MSRA: variants seen among roughly 807,000 people sequenced by gnomAD.
MSRA encodes methionine sulfoxide reductase A.
A neutral mutation model predicts 31.3 loss-of-function variants in MSRA; 54 were observed. The ratio of observed to expected loss-of-function variants is 1.73; its 90% CI spans 1.39 to 2.17. The LOEUF (loss-of-function observed/expected upper bound fraction) is 2.17. Ranked by LOEUF, MSRA falls within the 30% of genes most tolerant of loss-of-function variation. The pLI, the probability that MSRA is intolerant of heterozygous loss-of-function variation, is 0.00. For synonymous variants in MSRA, 169 were observed against 116.5 expected (o/e 1.45, Z -2.90); for missense variants, 507 against 300.9 (o/e 1.69, Z -5.07).
chr8:10,058,574 T>G (rs988988150), intron 1 of MSRA, among the ~76,000 whole-genome samples: 1 of 143,786 alleles, frequency 7.0e-6, no homozygotes, highest in Non-Finnish European at 1.5e-5. Context: ...CAAGATTATC[T>G]ACCAAATATT....
rs1797848496 is a variant in MSRA at position 10,250,295 on chromosome 8, A to G, written c.331+5072A>G. 2.6e-5 allele frequency: 16 copies of G among 607,944 alleles called. No homozygotes were observed. The South Asian group carries it at 3.1e-4, about 12-fold the overall frequency. The allele number at this position is 607,944 out of a possible 1,614,324, so 37.7% of individuals were successfully genotyped here. On this transcript the variant is annotated intron_variant, in intron 3 of 5. Transcript: ENST00000317173. ...TGTACAGATGAAAATATGAAAAGACATTCTGCAATGGATAAGCATTCTGGG... is the reference window on the plus strand; with the variant it reads ...TGTACAGATGAAAATATGAAAAGACGTTCTGCAATGGATAAGCATTCTGGG...
At chr8:10,255,379 G>A (rs1044187921) in intron 3 of MSRA, among the ~76,000 whole-genome samples, 1 of 152,204 alleles carries the variant, frequency 6.6e-6, no homozygotes, top group Non-Finnish European at 1.5e-5. Context: ...TTTCTGTACA[G>A]GTCCCAGGTT....
At chr8:10,081,700 G>A (rs1285080740) in intron 1 of MSRA, among the ~76,000 whole-genome samples, 1 of 152,132 alleles carries the variant, frequency 6.6e-6, no homozygotes. Context: ...ATATTGGCCA[G>A]ACTGGTCTCA....
intron 3 of MSRA, among the ~76,000 whole-genome samples, chr8:10,277,071 G>C (rs963974507): frequency 2.0e-5 from 3 of 152,058 alleles, no homozygotes; most frequent in Non-Finnish European, 2.9e-5. Flanking sequence ...CATTACTTGA[G>C]ACCTAGATTT....
intron 1 of MSRA, among the ~76,000 whole-genome samples, chr8:10,091,860 G>A (rs1798876905): frequency 6.6e-6 from 1 of 152,082 alleles, no homozygotes; most frequent in Non-Finnish European, 1.5e-5. Context: ...GCTTGGCTTG[G>A]CCTCCCAGAG....
chr8:10,128,634 C>A (rs1000441973), intron 1 of MSRA, among the ~76,000 whole-genome samples: 16 of 152,158 alleles, frequency 1.1e-4, no homozygotes, highest in African/African-American at 3.9e-4. Flanking sequence ...GTTGTGTGTG[C>A]ACTTCATGAG....
At chr8:10,406,339 T>C (rs1807817075) in intron 5 of MSRA, among the ~76,000 whole-genome samples, 1 of 152,240 alleles carries the variant, frequency 6.6e-6, no homozygotes, top group African/African-American at 2.4e-5. Context: ...TATTTGCTTC[T>C]TGAAGAATGT....
chr8:10,319,271 G>A (rs929393747), intron 4 of MSRA, among the ~76,000 whole-genome samples: 2 of 152,112 alleles, frequency 1.3e-5, no homozygotes, highest in Admixed American at 1.3e-4. Flanking sequence ...GCAACCCTGC[G>A]GCTGTTTCAC....
intron 5 of MSRA, among the ~76,000 whole-genome samples, chr8:10,366,287 G>C (rs1019715491): frequency 3.3e-5 from 5 of 152,210 alleles, no homozygotes; most frequent in Non-Finnish European, 7.3e-5. Flanking sequence ...GAAGCAGAGG[G>C]CTCTGAATTT....
intron 5 of MSRA, among the ~76,000 whole-genome samples, chr8:10,387,522 G>A (rs1355807696): frequency 1.3e-5 from 2 of 152,158 alleles, no homozygotes; most frequent in Non-Finnish European, 2.9e-5. Context: ...TGAGGGGGTG[G>A]TAAATGATTC....
chr8:10,289,361 C>A (rs759367625), intron 3 of MSRA, among the ~76,000 whole-genome samples: 1 of 151,632 alleles, frequency 6.6e-6, no homozygotes, highest in African/African-American at 2.4e-5. Flanking sequence ...ATGGGGTATA[C>A]GAGATGATAG....
At position 10,054,336 on chromosome 8, in the gene MSRA, G is replaced by T; in HGVS notation, c.-181G>T. 2.1e-6 allele frequency: 1 copy of T among 484,236 alleles called. No homozygotes were observed. The highest frequency in any genetic ancestry group is 6.4e-5 in the South Asian group (1 of 15,582). 30.0% of individuals were successfully genotyped at this position (484,236 alleles called of 1,614,324 possible). On this transcript the variant is annotated 5_prime_UTR_variant, in exon 1 of 6. Transcript: ENST00000317173. ...CCCCGGTGACAGCCGGTACGGCCCC[G>T]GGTTTGGGCAACCTCGATTACGGGC... is the stretch of plus-strand genomic sequence containing the variant.
chr8:10,394,368 C>T (rs1012182916), intron 5 of MSRA, among the ~76,000 whole-genome samples: 2 of 152,184 alleles, frequency 1.3e-5, no homozygotes, highest in Non-Finnish European at 2.9e-5. Context: ...AGTTCCCTAG[C>T]CACCCCACCC....
chr8:10,164,124 A>G (rs928690086), intron 1 of MSRA, among the ~76,000 whole-genome samples: 2 of 152,208 alleles, frequency 1.3e-5, no homozygotes, highest in African/African-American at 4.8e-5. Context: ...TTACACAGCT[A>G]GCGTTTTATT....
At chr8:10,205,227 G>GTTAGA (rs979974433) in intron 1 of MSRA, among the ~76,000 whole-genome samples, 15 of 152,168 alleles carry the variant, frequency 9.9e-5, no homozygotes, top group Admixed American at 9.8e-4. Flanking sequence ...ATATACAAGA[G>GTTAGA]TTAGAAGGCA....
intron 2 of MSRA, among the ~76,000 whole-genome samples, chr8:10,227,718 A>T (rs561008088): frequency 3.3e-5 from 5 of 152,336 alleles, no homozygotes; most frequent in South Asian, 2.1e-4. Flanking sequence ...TAATCAAATT[A>T]AAGCAGCATT....
At chr8:10,148,712 G>A (rs1803380293) in intron 1 of MSRA, among the ~76,000 whole-genome samples, 1 of 145,854 alleles carries the variant, frequency 6.9e-6, no homozygotes, top group Non-Finnish European at 1.5e-5. Flanking sequence ...CGAGGCAGGA[G>A]GATTGCTTGA....
Position 10,207,845 on chromosome 8 carries a change from T to A in MSRA, c.155T>A (p.Val52Asp). ...EQTPVAAKHH[V>D]NGNRTVEPFP... is the part of the protein sequence containing the mutation. ...TTTTTTTTTCTAGCCAAACATCATG[T>A]CAATGGCAACAGAACAGTCGAACCT... Residue 52 changes from valine to aspartate, a missense_variant, in exon 2 of 6, where the codon GTC (valine) becomes GAC (aspartate). Val to Asp is a radical substitution (Grantham distance 152). Transcript: ENST00000317173. 2 of 1,611,266 alleles carry A rather than the reference T, an allele frequency of 1.2e-6. No individual in the cohort carries two copies. The highest frequency in any genetic ancestry group is 1.3e-5 in the African/African-American group (1 of 74,812).
intron 5 of MSRA, among the ~76,000 whole-genome samples, chr8:10,407,638 C>T (rs559449745): frequency 1.9e-4 from 29 of 152,056 alleles, no homozygotes; most frequent in South Asian, 1.9e-3. Flanking sequence ...GCACGGGGTG[C>T]GTTTGAATTT....
Sources: gnomAD v4.1 joint callset for allele counts (sites outside exome capture counted in the v4.1 genomes callset) on GRCh38, gnomAD v4.1.1 for gene constraint, MANE v1.5 for transcripts, NCBI Gene and HGNC (gene_info 2026-07-23, HGNC 2026-07-21) for gene names.